EML6: variants seen among roughly 807,000 people sequenced by gnomAD.
EML6 encodes echinoderm microtubule-associated protein-like 6.
A neutral mutation model predicts 240.1 loss-of-function variants in EML6; 154 were observed. The observed-to-expected ratio is 0.64, with a 90% CI of 0.56 to 0.73. EML6 has a LOEUF of 0.73. Among genes scored for constraint, EML6 ranks in the 30% least tolerant of loss-of-function variants. EML6 has a pLI of 0.00. For missense variants in EML6, 2,964 were observed against 2,474.6 expected (o/e 1.20, Z -4.20); for synonymous variants, 1,148 against 899.0 (o/e 1.28, Z -4.95).
chr2:54,794,450 C>G (rs1489428416), intron 2 of EML6, among the ~76,000 whole-genome samples: 2 of 152,164 alleles, frequency 1.3e-5, no homozygotes, highest in Non-Finnish European at 2.9e-5. Flanking sequence ...AGTTCTCAGT[C>G]CTCTTCCCTG....
chr2:54,798,819 T>C (rs1669959304), intron 2 of EML6, among the ~76,000 whole-genome samples: 1 of 152,224 alleles, frequency 6.6e-6, no homozygotes, highest in African/African-American at 2.4e-5. Context: ...TGCAGGCTAA[T>C]AATGAATAAA....
intron 2 of EML6, among the ~76,000 whole-genome samples, chr2:54,773,239 A>G (rs1014925134): frequency 1.3e-5 from 2 of 152,256 alleles, no homozygotes; most frequent in Admixed American, 6.5e-5. Flanking sequence ...CCAGAGCTAC[A>G]CTAAGTGACC....
chr2:54,734,024 TA>T (rs1431665812), intron 2 of EML6, among the ~76,000 whole-genome samples: 1 of 152,152 alleles, frequency 6.6e-6, no homozygotes, highest in East Asian at 1.9e-4. Context: ...AAAGGGATAC[TA>T]AAAGGGCTTA....
At chr2:54,848,756 C>T (rs1319473175) in intron 9 of EML6, among the ~76,000 whole-genome samples, 1 of 152,136 alleles carries the variant, frequency 6.6e-6, no homozygotes, top group Non-Finnish European at 1.5e-5. Flanking sequence ...AGGGAAAAAA[C>T]AACCCCAGTG....
At chr2:54,905,278 C>G (rs1005812639) in intron 24 of EML6, among the ~76,000 whole-genome samples, 1 of 146,626 alleles carries the variant, frequency 6.8e-6, no homozygotes, top group African/African-American at 2.5e-5. Flanking sequence ...TTGCTATTCT[C>G]TTGCCAGGTA....
At chr2:54,843,968 G>GTGTGTGTGTGTC (rs1669610449) in intron 7 of EML6, 79 bp from the exon 8 acceptor site, 1 of 499,506 alleles carries the variant, frequency 2.0e-6, no homozygotes, top group South Asian at 2.7e-5. Flanking sequence ...AGGGTTTTGT[G>GTGTGTGTGTGTC]TGTGTGTGTG....
chr2:54,799,565 G>A (rs559966660), intron 2 of EML6, among the ~76,000 whole-genome samples: 27 of 152,110 alleles, frequency 1.8e-4, no homozygotes, highest in South Asian at 1.7e-3. Context: ...GGATGGTCTC[G>A]ATCTCCTGAC....
At chr2:54,754,655 C>T (rs1209628997) in intron 2 of EML6, among the ~76,000 whole-genome samples, 1 of 152,142 alleles carries the variant, frequency 6.6e-6, no homozygotes, top group Non-Finnish European at 1.5e-5. Context: ...CTTTGATGAT[C>T]AGACATTCTT....
At chr2:54,924,544 T>C (rs1674439962) in intron 26 of EML6, among the ~76,000 whole-genome samples, 1 of 152,272 alleles carries the variant, frequency 6.6e-6, no homozygotes, top group African/African-American at 2.4e-5. Context: ...TAAAATCACT[T>C]ATTTTTTTTT....
chr2:54,922,201 T>G (rs1232959747), intron 26 of EML6, among the ~76,000 whole-genome samples: 1 of 152,170 alleles, frequency 6.6e-6, no homozygotes, highest in Non-Finnish European at 1.5e-5. Flanking sequence ...TATAATGAAT[T>G]TTACAACTCA....
chr2:54,892,333 TA>T (rs972820239), intron 18 of EML6, 120 bp from the exon 19 acceptor site: 2 of 647,232 alleles, frequency 3.1e-6, no homozygotes, highest in African/African-American at 3.7e-5. Context: ...CTGTCACTTT[TA>T]GACATCTTTA....
chr2:54,875,439 C>T (rs1272817664), intron 16 of EML6, among the ~76,000 whole-genome samples: 1 of 152,216 alleles, frequency 6.6e-6, no homozygotes, highest in South Asian at 2.1e-4. Flanking sequence ...ACTCCTGTCG[C>T]TGCCCATCTC....
chr2:54,772,586 T>G (rs1360970961), intron 2 of EML6, among the ~76,000 whole-genome samples: 1 of 152,222 alleles, frequency 6.6e-6, no homozygotes, highest in Admixed American at 6.5e-5. Context: ...TGGCAAAAAT[T>G]TACTGAATGC....
At chr2:54,840,154 T>C (rs1050092950) in intron 7 of EML6, among the ~76,000 whole-genome samples, 5 of 152,170 alleles carry the variant, frequency 3.3e-5, no homozygotes, top group African/African-American at 1.2e-4. Flanking sequence ...CAAATACAGC[T>C]CCAGGCCCTT....
At chr2:54,863,196 T>A (rs1670774535) in intron 12 of EML6, among the ~76,000 whole-genome samples, 1 of 152,212 alleles carries the variant, frequency 6.6e-6, no homozygotes, top group South Asian at 2.1e-4. Context: ...CTAAAGAGGA[T>A]CTGTATTGAA....
intron 2 of EML6, among the ~76,000 whole-genome samples, chr2:54,759,218 A>G (rs1667870809): frequency 6.7e-6 from 1 of 149,946 alleles, no homozygotes; most frequent in Admixed American, 6.7e-5. Context: ...AGTTCATACT[A>G]GATGAATAAT....
intron 24 of EML6, among the ~76,000 whole-genome samples, chr2:54,906,639 G>A (rs1313534387): frequency 3.3e-5 from 5 of 152,170 alleles, no homozygotes; most frequent in Admixed American, 1.3e-4. Context: ...TGCTTTCTGT[G>A]GATTGAGAGT....
intron 19 of EML6, among the ~76,000 whole-genome samples, chr2:54,893,470 A>G (rs559992642): frequency 3.9e-5 from 6 of 152,290 alleles, no homozygotes; most frequent in Non-Finnish European, 7.4e-5. Flanking sequence ...TAATCCATTC[A>G]TGAGGGCAGA....
At chr2:54,877,184 A>C (rs1243643972) in intron 16 of EML6, among the ~76,000 whole-genome samples, 1 of 151,832 alleles carries the variant, frequency 6.6e-6, no homozygotes, top group East Asian at 1.9e-4. Context: ...GGGTTTCCTC[A>C]TGTTGCCCAG....
Sources: allele counts gnomAD v4.1 joint callset (sites outside exome capture counted in the v4.1 genomes callset), GRCh38; gene constraint gnomAD v4.1.1; transcripts MANE v1.5; gene names NCBI Gene and HGNC (gene_info 2026-07-23, HGNC 2026-07-21).